The following KCNJ15 variants were observed in gnomAD, a reference collection of about 807,000 sequenced individuals.
KCNJ15 encodes the protein potassium inwardly rectifying channel subfamily J member 15.
In KCNJ15, 14 loss-of-function variants were observed where a neutral mutation model predicts 23.0. The observed-to-expected ratio is 0.61, with a 90% CI of 0.40 to 0.95. The LOEUF (loss-of-function observed/expected upper bound fraction) is 0.95, where lower values mean the gene tolerates loss of function less well. Among genes scored for constraint, KCNJ15 ranks in the 40% least tolerant of loss-of-function variants. The probability of loss-of-function intolerance (pLI) is 0.00; values close to 1 mark genes in which losing one functional copy is unlikely to be tolerated. For synonymous variants in KCNJ15, 185 were observed against 183.2 expected, an observed-to-expected ratio of 1.01 and a Z score of -0.08; for missense variants, 388 against 461.8, an observed-to-expected ratio of 0.84 and a Z score of 1.46.
intron 2 of KCNJ15, among the ~76,000 whole-genome samples, chr21:38,297,890 C>A (rs1985322762): frequency 2.0e-5 from 3 of 152,290 alleles, no homozygotes; most frequent in East Asian, 3.9e-4. Context: ...CCAGCAGACC[C>A]ATTGCCTCCT....
Position 38,258,920 on chromosome 21 carries a change from C to A in KCNJ15, c.-117+1735C>A, listed in dbSNP as rs533806687. ...CTGAGAAGCCAACAAAAGCAGGTCT[C>A]TGGGCTCTTTCCCATAAGGCTCAGC... On this transcript the variant is annotated intron_variant, in intron 1 of 2. Transcript: ENST00000398938. 1.6e-3 allele frequency among the ~76,000 whole-genome samples: 251 copies of A among 152,256 alleles called. 6 individuals carry two copies. The South Asian group carries it at 0.051, about 31-fold the overall frequency.
chr21:38,234,638 C>T (rs968607561), intron 1 of KCNJ15, among the ~76,000 whole-genome samples: 4 of 152,216 alleles, frequency 2.6e-5, no homozygotes, highest in Non-Finnish European at 5.9e-5. Context: ...GAAACTATCA[C>T]AACTGCTTCA....
intron 1 of KCNJ15, among the ~76,000 whole-genome samples, chr21:38,230,775 T>C (rs1160007891): frequency 6.6e-6 from 1 of 152,140 alleles, no homozygotes; most frequent in Non-Finnish European, 1.5e-5. Context: ...TTTTATTCTA[T>C]TGATCTATAT....
chr21:38,253,094 G>C (rs1435471977), upstream of KCNJ15, among the ~76,000 whole-genome samples: 1 of 152,134 alleles, frequency 6.6e-6, no homozygotes, highest in Non-Finnish European at 1.5e-5. Flanking sequence ...TTTCACTCCA[G>C]AACTCCCTCC....
intron 1 of KCNJ15, among the ~76,000 whole-genome samples, chr21:38,278,018 A>G (rs1356150222): frequency 6.6e-6 from 1 of 152,206 alleles, no homozygotes; most frequent in African/African-American, 2.4e-5. Flanking sequence ...CTTTGCAGGC[A>G]TGATTCCGTC....
chr21:38,230,774 A>G (rs982807), intron 1 of KCNJ15, among the ~76,000 whole-genome samples: 12 of 152,116 alleles, frequency 7.9e-5, no homozygotes, highest in South Asian at 4.1e-4. Flanking sequence ...ATTTTATTCT[A>G]TTGATCTATA....
intron 1 of KCNJ15, among the ~76,000 whole-genome samples, chr21:38,266,107 C>T (rs910906089): frequency 1.3e-5 from 2 of 152,132 alleles, no homozygotes; most frequent in Non-Finnish European, 2.9e-5. Context: ...TCCTGAAAGG[C>T]CAGGCAGGGC....
At chr21:38,234,408 A>G (rs1282860713) in intron 1 of KCNJ15, among the ~76,000 whole-genome samples, 1 of 152,246 alleles carries the variant, frequency 6.6e-6, no homozygotes, top group Non-Finnish European at 1.5e-5. Context: ...ATATAGAAAA[A>G]TGATTACTTA....
intron 1 of KCNJ15, among the ~76,000 whole-genome samples, chr21:38,232,143 T>C (rs951244305): frequency 6.6e-6 from 1 of 151,642 alleles, no homozygotes; most frequent in Non-Finnish European, 1.5e-5. Flanking sequence ...AGAGGTTTTT[T>C]TTTTTTTAAG....
At chr21:38,282,406 T>C (rs1198918291) in intron 1 of KCNJ15, among the ~76,000 whole-genome samples, 1 of 152,196 alleles carries the variant, frequency 6.6e-6, no homozygotes, top group East Asian at 1.9e-4. Flanking sequence ...AATATACTTA[T>C]GTTTGCCCAT....
chr21:38,256,357 A>G (rs1256158244), upstream of KCNJ15, among the ~76,000 whole-genome samples: 3 of 48,886 alleles, frequency 6.1e-5, no homozygotes, highest in Non-Finnish European at 1.4e-4. Flanking sequence ...ATGTCTATTC[A>G]GCTTATATAT....
intron 1 of KCNJ15, among the ~76,000 whole-genome samples, chr21:38,246,496 A>G (rs2123567836): frequency 6.6e-6 from 1 of 152,258 alleles, no homozygotes; most frequent in South Asian, 2.1e-4. Flanking sequence ...AAATATTTCT[A>G]TATTCCCTAC....
At chr21:38,273,546 A>T (rs1982322166) in intron 1 of KCNJ15, among the ~76,000 whole-genome samples, 1 of 152,226 alleles carries the variant, frequency 6.6e-6, no homozygotes, top group African/African-American at 2.4e-5. Flanking sequence ...TGTCCTGTCA[A>T]TGACCTATCA....
At chr21:38,287,135 A>C (rs2836287) in intron 1 of KCNJ15, among the ~76,000 whole-genome samples, 100,129 of 152,054 alleles carry the variant, frequency 0.66, 33,630 homozygotes, top group Non-Finnish European at 0.73. Flanking sequence ...CATGTGTCTC[A>C]CTAGTCCACC....
At chr21:38,254,437 C>T (rs1259978837), upstream of KCNJ15, among the ~76,000 whole-genome samples, 1 of 152,168 alleles carries the variant, frequency 6.6e-6, no homozygotes, top group African/African-American at 2.4e-5. Context: ...TGTATTTCTA[C>T]TACTCTGGAC....
At chr21:38,253,205 T>C (rs571257036), upstream of KCNJ15, among the ~76,000 whole-genome samples, 18 of 152,350 alleles carry the variant, frequency 1.2e-4, no homozygotes, top group East Asian at 3.1e-3. Context: ...GGGTTCCTCC[T>C]GGGAGTACTA....
At chr21:38,242,156 T>C (rs1481121069) in intron 1 of KCNJ15, among the ~76,000 whole-genome samples, 1 of 152,120 alleles carries the variant, frequency 6.6e-6, no homozygotes, top group East Asian at 1.9e-4. Context: ...CACGTTGTGA[T>C]AATTGGTCAT....
intron 1 of KCNJ15, among the ~76,000 whole-genome samples, chr21:38,258,372 C>T (rs1231443160): frequency 1.3e-5 from 2 of 152,160 alleles, no homozygotes; most frequent in Non-Finnish European, 2.9e-5. Context: ...CACTTCCAGC[C>T]GATTAATTAG....
chr21:38,238,877 TTCTC>T (rs201195435), intron 1 of KCNJ15, among the ~76,000 whole-genome samples: 1 of 152,240 alleles, frequency 6.6e-6, no homozygotes, highest in African/African-American at 2.4e-5. Context: ...TCTTTAACCT[TTCTC>T]TCTCTCTCAC....
Sources: allele counts gnomAD v4.1 joint callset (sites outside exome capture counted in the v4.1 genomes callset), GRCh38; gene constraint gnomAD v4.1.1; transcripts MANE v1.5; gene names NCBI Gene and HGNC (gene_info 2026-07-23, HGNC 2026-07-21).